The following SNTG1 variants were observed in gnomAD, a reference collection of about 807,000 sequenced individuals.
SNTG1 encodes syntrophin gamma 1, also known as gamma-1-syntrophin.
Under a neutral mutation model 74.7 loss-of-function variants are expected in SNTG1, and 39 were observed. That is an observed-to-expected ratio of 0.52 (90% CI 0.40 to 0.68). The LOEUF is 0.68. Among genes scored for constraint, SNTG1 ranks in the 30% least tolerant of loss-of-function variants. SNTG1 has a pLI of 0.00. For missense variants in SNTG1, 685 were observed against 609.5 expected (o/e 1.12, Z -1.30); for synonymous variants, 254 against 217.1 (o/e 1.17, Z -1.49).
intron 12 of SNTG1, 47 bp downstream of exon 12, chr8:50,553,226 A>C (rs760038532): frequency 8.5e-5 from 137 of 1,609,838 alleles, no homozygotes; most frequent in Non-Finnish European, 1.1e-4. Context: ...CTCAGGCTTT[A>C]TAAAATCCTT....
At chr8:50,704,784 C>T in intron 16 of SNTG1, 32 bp downstream of exon 16, 1 of 1,611,458 alleles carries the variant, frequency 6.2e-7, no homozygotes. Context: ...GGATGTGTGG[C>T]TCCCTCAGAT....
chr8:50,499,028 T>A (rs2093928303), intron 8 of SNTG1, among the ~76,000 whole-genome samples: 1 of 151,802 alleles, frequency 6.6e-6, no homozygotes, highest in South Asian at 2.1e-4. Flanking sequence ...TTTCTTTATA[T>A]CTCTTAAAAT....
intron 2 of SNTG1, among the ~76,000 whole-genome samples, chr8:50,319,567 C>G (rs2090450289): frequency 6.6e-6 from 1 of 151,868 alleles, no homozygotes; most frequent in South Asian, 2.1e-4. Flanking sequence ...ATATCTTTAT[C>G]TTGTCTGATT....
intron 1 of SNTG1, among the ~76,000 whole-genome samples, chr8:50,168,668 A>G (rs1278438459): frequency 6.6e-6 from 1 of 152,222 alleles, no homozygotes; most frequent in African/African-American, 2.4e-5. Context: ...ACTGTAGTAC[A>G]CATGGTTTTT....
At chr8:50,693,607 C>A (rs1339150818) in intron 15 of SNTG1, among the ~76,000 whole-genome samples, 5 of 152,026 alleles carry the variant, frequency 3.3e-5, no homozygotes, top group African/African-American at 1.2e-4. Flanking sequence ...TGCGTTAGAC[C>A]AAATGAACCT....
rs575378435 is a variant in SNTG1, at chr8:50,651,784, T to A, written c.850-5125T>A. 2.7e-5 allele frequency among the ~76,000 whole-genome samples: 4 copies of A among 150,088 alleles called. No homozygotes were observed. The East Asian group carries it at 7.9e-4, about 30-fold the overall frequency. On this transcript the variant is annotated intron_variant, in intron 13 of 18. Coordinates refer to ENST00000642720, the MANE Select transcript of SNTG1 (RefSeq NM_018967.5). ...ATTTATTTATTTATTTTCATTAAAT[T>A]ATTTATTTTTTTGAGACAGAGTTTC...
intron 12 of SNTG1, among the ~76,000 whole-genome samples, chr8:50,572,201 A>G (rs2094552593): frequency 6.6e-6 from 1 of 151,900 alleles, no homozygotes; most frequent in African/African-American, 2.4e-5. Context: ...ATCTTGTTAT[A>G]ATACTCGTCT....
At chr8:50,204,117 G>A (rs950066331) in intron 2 of SNTG1, among the ~76,000 whole-genome samples, 10 of 152,090 alleles carry the variant, frequency 6.6e-5, no homozygotes, top group African/African-American at 2.2e-4. Flanking sequence ...AAAGGGAATG[G>A]GAATGTTTGA....
chr8:50,512,250 C>A (rs189899288), intron 9 of SNTG1, among the ~76,000 whole-genome samples: 227 of 152,194 alleles, frequency 1.5e-3, no homozygotes, highest in Non-Finnish European at 2.5e-3. Context: ...GGCCCCCAGT[C>A]TCTTCTGGCT....
intron 2 of SNTG1, among the ~76,000 whole-genome samples, chr8:50,218,572 G>A (rs1328234698): frequency 1.3e-5 from 2 of 151,368 alleles, no homozygotes; most frequent in South Asian, 2.1e-4. Flanking sequence ...TTTCAGTATA[G>A]TGAATGGTTT....
chr8:50,276,973 G>A (rs2088149654), intron 2 of SNTG1, among the ~76,000 whole-genome samples: 1 of 151,972 alleles, frequency 6.6e-6, no homozygotes, highest in South Asian at 2.1e-4. Flanking sequence ...GAGACTACAG[G>A]CACCCACCAC....
At chr8:50,466,054 T>C (rs1006020915) in intron 8 of SNTG1, among the ~76,000 whole-genome samples, 13 of 152,124 alleles carry the variant, frequency 8.5e-5, no homozygotes, top group African/African-American at 3.1e-4. Context: ...TATATGCCTG[T>C]AGTAAATGAA....
At chr8:50,688,051 C>G (rs537956995) in intron 15 of SNTG1, among the ~76,000 whole-genome samples, 33 of 152,170 alleles carry the variant, frequency 2.2e-4, no homozygotes, top group African/African-American at 7.7e-4. Flanking sequence ...GCATAAATGT[C>G]TTCTTTTGGG....
intron 1 of SNTG1, among the ~76,000 whole-genome samples, chr8:50,107,129 C>A (rs1278865977): frequency 1.3e-5 from 2 of 152,142 alleles, no homozygotes; most frequent in Non-Finnish European, 2.9e-5. Flanking sequence ...GAAGGGAATG[C>A]AGTTAATGTC....
At chr8:50,283,411 G>C (rs938684946) in intron 2 of SNTG1, among the ~76,000 whole-genome samples, 12 of 152,278 alleles carry the variant, frequency 7.9e-5, no homozygotes, top group African/African-American at 2.6e-4. Context: ...AGAGAAAAAT[G>C]ATTGTCTGCA....
chr8:50,533,767 A>G (rs956651176), intron 10 of SNTG1, among the ~76,000 whole-genome samples: 1 of 152,210 alleles, frequency 6.6e-6, no homozygotes, highest in Non-Finnish European at 1.5e-5. Context: ...GAAATATAAG[A>G]AAGTGACATA....
intron 1 of SNTG1, among the ~76,000 whole-genome samples, chr8:50,115,421 C>T (rs1218884647): frequency 6.6e-6 from 1 of 151,698 alleles, no homozygotes; most frequent in Non-Finnish European, 1.5e-5. Context: ...CAAAAATTAG[C>T]CGAGCATCAT....
intron 1 of SNTG1, among the ~76,000 whole-genome samples, chr8:50,087,571 T>G (rs1823011868): frequency 6.6e-6 from 1 of 152,138 alleles, no homozygotes; most frequent in Non-Finnish European, 1.5e-5. Flanking sequence ...TATCCTTACA[T>G]AGCCAAACCA....
chr8:50,487,737 G>T (rs896328898), intron 8 of SNTG1, among the ~76,000 whole-genome samples: 1 of 151,672 alleles, frequency 6.6e-6, no homozygotes, highest in African/African-American at 2.4e-5. Context: ...CCTAATGCTT[G>T]ATGACGAGTT....
Sources: gnomAD v4.1 joint callset for allele counts (sites outside exome capture counted in the v4.1 genomes callset) on GRCh38, gnomAD v4.1.1 for gene constraint, MANE v1.5 for transcripts, NCBI Gene and HGNC (gene_info 2026-07-23, HGNC 2026-07-21) for gene names.